MLPH: variants seen among roughly 807,000 people sequenced by gnomAD.
MLPH encodes exophilin-3.
Under a neutral mutation model 72.1 loss-of-function variants are expected in MLPH, and 51 were observed. The observed-to-expected ratio is 0.71, with a 90% CI of 0.56 to 0.89. The LOEUF (loss-of-function observed/expected upper bound fraction) is 0.89. MLPH is among the 40% of genes least tolerant of loss of function. The pLI is 0.00. For synonymous variants in MLPH, 301 were observed against 310.1 expected, an observed-to-expected ratio of 0.97 and a Z score of 0.31; for missense variants, 743 against 759.9, an observed-to-expected ratio of 0.98 and a Z score of 0.26.
chr2:237,552,250 T>A, intron 14 of MLPH, 87 bp from the exon 15 acceptor site: 1 of 1,090,712 alleles, frequency 9.2e-7, no homozygotes, highest in South Asian at 1.3e-5. Flanking sequence ...TTTTTCTACC[T>A]TTTAAATTTC....
chr2:237,519,331 C>T (rs571612714), intron 5 of MLPH, among the ~76,000 whole-genome samples: 1 of 152,292 alleles, frequency 6.6e-6, no homozygotes, highest in East Asian at 1.9e-4. Flanking sequence ...ACGTCATCAT[C>T]TTTCGTTTGA....
chr2:237,544,460 GTAGT>G (rs1465073565), intron 12 of MLPH, among the ~76,000 whole-genome samples: 2 of 51,436 alleles, frequency 3.9e-5, no homozygotes, highest in African/African-American at 2.7e-4. Context: ...TGGGGGGACA[GTAGT>G]GAGTGGGGAC....
Position 237,511,015 on chromosome 2 carries a change from G to A in MLPH, c.359G>A (p.Trp120Ter), listed in dbSNP as rs1282684294. ...ARVVKIGSLE[W>*]YYEHVKARFK... Reference sequence around the variant, plus strand: ...GTCGTGAAGATCGGCTCACTGGAGTGGTACTATGAGCATGTGAAAGCCCGC... The same window carrying A: ...GTCGTGAAGATCGGCTCACTGGAGTAGTACTATGAGCATGTGAAAGCCCGC... The change falls in exon 4 of 16, where the codon TGG (tryptophan) becomes TAG (stop). Residue 120 changes from tryptophan to a stop codon, truncating the protein, a stop_gained. Coordinates refer to ENST00000264605, the MANE Select transcript of MLPH (RefSeq NM_024101.7). LOFTEE classifies it high-confidence loss of function. 2 of 1,613,966 alleles carry A rather than the reference G, an allele frequency of 1.2e-6. No homozygotes were observed. Among genetic ancestry groups the A allele is most frequent in the Non-Finnish European group, 1.7e-6 (2 of 1,179,962 alleles).
chr2:237,501,663 C>CCAAAAAAA (rs1559337749), intron 2 of MLPH, among the ~76,000 whole-genome samples: 1 of 101,664 alleles, frequency 9.8e-6, no homozygotes, highest in Admixed American at 1.1e-4. Flanking sequence ...CACGTCTCTA[C>CCAAAAAAA]TAAAAAAAAA....
In MLPH at chr2:237,540,398, G is replaced by A. The variant is rs1199285419; in HGVS notation, c.1155G>A (p.Leu385=). The change falls in exon 10 of 16, where the codon CTG becomes CTA. Residue 385 remains leucine, a synonymous_variant. Coordinates refer to ENST00000264605, the MANE Select transcript of MLPH (RefSeq NM_024101.7). ...AGGCCGATGTAGAGGAGGAGGCCCTGAGGAGGAAGCTGGAGGAGCTGACCA... is the reference window on the plus strand; with the variant it reads ...AGGCCGATGTAGAGGAGGAGGCCCTAAGGAGGAAGCTGGAGGAGCTGACCA... ...RTEADVEEEA[L]RRKLEELTSN... The A allele has an allele frequency of 1.9e-6, 3 of 1,613,630 alleles. No homozygotes were observed. Among genetic ancestry groups the A allele is most frequent in the East Asian group, 2.2e-5 (1 of 44,872 alleles).
At chr2:237,542,084 T>A (rs2106380354) in intron 11 of MLPH, among the ~76,000 whole-genome samples, 1 of 152,144 alleles carries the variant, frequency 6.6e-6, no homozygotes, top group Non-Finnish European at 1.5e-5. Flanking sequence ...TGGGGGCCAC[T>A]GCAAGGATCT....
At chr2:237,492,721 A>C (rs1180441041) in intron 1 of MLPH, among the ~76,000 whole-genome samples, 1 of 152,182 alleles carries the variant, frequency 6.6e-6, no homozygotes, top group Non-Finnish European at 1.5e-5. Context: ...GCACAAGCAC[A>C]TCGCCCTCAC....
In MLPH at chr2:237,512,179, C is replaced by T. The variant is rs2079919010; in HGVS notation, c.445+1078C>T. Among the ~76,000 whole-genome samples the T allele has an allele frequency of 6.6e-6, 1 of 152,236 alleles. No homozygotes were observed. Among genetic ancestry groups the T allele is most frequent in the South Asian group, 2.1e-4 (1 of 4,832 alleles). Reference sequence around the variant, plus strand: ...GGGGCGTCCTCACCATGCCCCAGCCCAGGCGTCTCCCCCAGGCCTTCCTTC... The same window carrying T: ...GGGGCGTCCTCACCATGCCCCAGCCTAGGCGTCTCCCCCAGGCCTTCCTTC... On this transcript the variant is annotated intron_variant, in intron 4 of 15. Transcript: ENST00000264605. The surrounding 1 kb of genome is among the most constrained non-coding windows in gnomAD (Gnocchi z 5.5).
At chr2:237,532,712 G>A (rs918068252) in intron 8 of MLPH, among the ~76,000 whole-genome samples, 1 of 152,210 alleles carries the variant, frequency 6.6e-6, no homozygotes, top group South Asian at 2.1e-4. Context: ...GATGACTGGT[G>A]CCCACACAGG....
Position 237,527,820 on chromosome 2 carries a change from T to C in MLPH, c.1020+304T>C, listed in dbSNP as rs77194105. 0.11 allele frequency: 48,159 copies of C among 437,754 alleles called. 3,039 individuals are homozygous for C. Among genetic ancestry groups the C allele is most frequent in the Non-Finnish European group, 0.14 (33,176 of 237,844 alleles). The allele number at this position is 437,754 out of a possible 1,614,324, so 27.1% of individuals were successfully genotyped here. ...TTGAAGACAGGGACTGAAAAAGATA[T>C]TTGCAACCCCGTATCCATAGCAGCG... On this transcript the variant is annotated intron_variant, in intron 8 of 15. Transcript: ENST00000264605.
At chr2:237,529,650 G>T (rs907344800) in intron 8 of MLPH, among the ~76,000 whole-genome samples, 5 of 152,214 alleles carry the variant, frequency 3.3e-5, no homozygotes, top group Non-Finnish European at 5.9e-5. Flanking sequence ...CTTGACTCCA[G>T]CAACGTAATC....
chr2:237,536,036 G>T (rs1247618110), intron 9 of MLPH, among the ~76,000 whole-genome samples: 2 of 152,186 alleles, frequency 1.3e-5, no homozygotes, highest in African/African-American at 4.8e-5. Flanking sequence ...AGTTCCAACA[G>T]CTTTAAGTTT....
chr2:237,511,324 C>T, intron 4 of MLPH: 1 of 470,916 alleles, frequency 2.1e-6, no homozygotes, highest in South Asian at 2.1e-5. Flanking sequence ...GTTTCCCAGA[C>T]TGGCCTCGAA....
intron 13 of MLPH, among the ~76,000 whole-genome samples, chr2:237,548,670 C>A (rs1240560664): frequency 1.3e-5 from 2 of 152,168 alleles, no homozygotes; most frequent in Non-Finnish European, 2.9e-5. Flanking sequence ...AGATCGAGAC[C>A]ATTCTGGCTA....
At chr2:237,535,510 TTG>T (rs774685243) in intron 9 of MLPH, among the ~76,000 whole-genome samples, 41 of 151,644 alleles carry the variant, frequency 2.7e-4, no homozygotes, top group Non-Finnish European at 4.9e-4. Flanking sequence ...GTGTGTGCTT[TTG>T]TGTCTGAGAG....
Position 237,534,570 on chromosome 2 carries a change from G to T in MLPH, c.1027G>T (p.Glu343Ter). 3.1e-6 allele frequency: 5 copies of T among 1,613,280 alleles called. No individual in the cohort carries two copies. The highest frequency in any genetic ancestry group is 2.2e-5 in the South Asian group (2 of 91,004). ...TTCTCTCCTTCTGCTGCAGATCTTTGAGCTGAATAAGCATATTTCAGCTGT... is the reference window on the plus strand; with the variant it reads ...TTCTCTCCTTCTGCTGCAGATCTTTTAGCTGAATAAGCATATTTCAGCTGT... ...GRASSESQIF[E>*]LNKHISAVEC... is the part of the protein sequence containing the mutation. Residue 343 changes from glutamate to a stop codon, truncating the protein, a stop_gained, in exon 9 of 16, where the codon GAG becomes TAG. Transcript: ENST00000264605. LOFTEE classifies it high-confidence loss of function.
Position 237,554,522 on chromosome 2 carries a change from G to A in MLPH, c.*930G>A, listed in dbSNP as rs537616900. On this transcript the variant is annotated 3_prime_UTR_variant, in exon 16 of 16. Transcript: ENST00000264605. ...GGACTCAGAGTTATTTCCTAGTATC[G>A]GTGTGCCCCATCCAGTTTTAAGTGG... 9.8e-5 allele frequency: 15 copies of A among 153,284 alleles called. No individual in the cohort carries two copies. The East Asian group carries it at 2.1e-3, about 22-fold the overall frequency. The allele number at this position is 153,284 out of a possible 1,614,324, so 9.5% of individuals were successfully genotyped here. A position where few individuals can be genotyped will look rare whatever the true frequency, so the allele number is the denominator to read the frequency against.
At chr2:237,516,418 G>A (rs1286192880) in intron 4 of MLPH, among the ~76,000 whole-genome samples, 1 of 152,170 alleles carries the variant, frequency 6.6e-6, no homozygotes, top group Admixed American at 6.5e-5. Flanking sequence ...ATGAGGGCTG[G>A]GCCTCACCTC....
At chr2:237,549,103 C>A (rs1408089972) in intron 13 of MLPH, 118 bp from the exon 14 acceptor site, 2 of 844,626 alleles carry the variant, frequency 2.4e-6, no homozygotes, top group African/African-American at 1.7e-5. Context: ...TGCTAGAGAG[C>A]AGAAAATAGT....
Sources: gnomAD v4.1 joint callset for allele counts (sites outside exome capture counted in the v4.1 genomes callset) on GRCh38, gnomAD v4.1.1 for gene constraint, Gnocchi (gnomAD v3.1) non-coding constraint, MANE v1.5 for transcripts, NCBI Gene and HGNC (gene_info 2026-07-23, HGNC 2026-07-21) for gene names.